The following SERTAD2 variants were observed in gnomAD, a reference collection of about 807,000 sequenced individuals.
The protein encoded by SERTAD2 is SERTA domain-containing protein 2.
Under a neutral mutation model 15.4 loss-of-function variants are expected in SERTAD2, and 2 were observed. The ratio of observed to expected loss-of-function variants is 0.13; its 90% confidence interval spans 0.05 to 0.41. The LOEUF (loss-of-function observed/expected upper bound fraction) is 0.41. Among genes scored for constraint, SERTAD2 ranks in the 10% least tolerant of loss-of-function variants. The pLI is 0.99. For synonymous variants in SERTAD2, 180 were observed against 178.0 expected (o/e 1.01, Z -0.09); for missense variants, 333 against 409.7 (o/e 0.81, Z 1.62).
intron 1 of SERTAD2, among the ~76,000 whole-genome samples, chr2:64,642,095 GC>G (rs1267786373): frequency 1.3e-5 from 2 of 152,214 alleles, no homozygotes; most frequent in African/African-American, 2.4e-5. Context: ...GATTCCCAAG[GC>G]CTTCCTTATT....
rs1321973471 is a variant in SERTAD2, at chr2:64,635,330, G to GT, written c.*596dup. On this transcript the variant is annotated 3_prime_UTR_variant, in exon 2 of 2. Coordinates refer to ENST00000313349, the MANE Select transcript of SERTAD2 (RefSeq NM_014755.3). ...TATCTCATATGTATAAACAGCATTTGTTTTTAGAAAAACAATATCATAAAC... is the reference window on the plus strand; with the variant it reads ...TATCTCATATGTATAAACAGCATTTGTTTTTTAGAAAAACAATATCATAAAC... 2 of 152,646 alleles carry GT rather than the reference G, an allele frequency of 1.3e-5. No homozygotes were observed. The highest frequency in any genetic ancestry group is 2.9e-5 in the Non-Finnish European group (2 of 68,066). The allele number at this position is 152,646 out of a possible 1,614,324, so 9.5% of individuals were successfully genotyped here.
Position 64,651,307 on chromosome 2 carries a change from G to A in SERTAD2, c.-5+2313C>T, listed in dbSNP as rs368671269. On this transcript the variant is annotated intron_variant, in intron 1 of 1. Coordinates refer to ENST00000313349, the MANE Select transcript of SERTAD2 (RefSeq NM_014755.3). Reference sequence around the variant, plus strand: ...AAATATTTTGTCTGAGGGTAAACTTGTAGTATAATTGGACACTGATAATAA... The same window carrying A: ...AAATATTTTGTCTGAGGGTAAACTTATAGTATAATTGGACACTGATAATAA... Among the ~76,000 whole-genome samples, 5 of 152,272 alleles carry A rather than the reference G, an allele frequency of 3.3e-5. No homozygotes were observed. In the East Asian group the frequency reaches 7.7e-4, roughly 23 times the overall value.
Position 64,632,760 on chromosome 2 carries a change from T to C in SERTAD2, c.*3167A>G, listed in dbSNP as rs1202527151. 2 of 152,652 alleles carry C rather than the reference T, an allele frequency of 1.3e-5. No homozygotes were observed. The highest frequency in any genetic ancestry group is 4.8e-5 in the African/African-American group (2 of 41,444). 9.5% of individuals were successfully genotyped at this position (152,652 alleles called of 1,614,324 possible). A position where few individuals can be genotyped will look rare whatever the true frequency, so the allele number is the denominator to read the frequency against. ...CTTGGACCCCCTTTTAATACAGATTTACATTCCTACAAGAGAATACATTCC... is the reference window on the plus strand; with the variant it reads ...CTTGGACCCCCTTTTAATACAGATTCACATTCCTACAAGAGAATACATTCC... On this transcript the variant is annotated 3_prime_UTR_variant, in exon 2 of 2. Coordinates refer to ENST00000313349, the MANE Select transcript of SERTAD2 (RefSeq NM_014755.3).
Position 64,634,202 on chromosome 2 carries a change from G to A in SERTAD2, c.*1725C>T, listed in dbSNP as rs1400325147. The A allele has an allele frequency of 6.6e-6, 1 of 152,074 alleles. No homozygotes were observed. Among genetic ancestry groups the A allele is most frequent in the African/African-American group, 2.4e-5 (1 of 41,396 alleles). 9.4% of individuals were successfully genotyped at this position (152,074 alleles called of 1,614,324 possible). ...AGAAGCCATCTGCATAACAATATAG[G>A]TTGTAACCTGCACTCAACAGCTAAA... On this transcript the variant is annotated 3_prime_UTR_variant, in exon 2 of 2. Transcript: ENST00000313349.
chr2:64,652,571 G>A (rs1478973843), intron 1 of SERTAD2, among the ~76,000 whole-genome samples: 1 of 152,172 alleles, frequency 6.6e-6, no homozygotes, highest in Non-Finnish European at 1.5e-5. Context: ...CATGAACAAA[G>A]CTTGAAAACA....
intron 1 of SERTAD2, among the ~76,000 whole-genome samples, chr2:64,649,766 C>T (rs1674972169): frequency 6.6e-6 from 1 of 152,202 alleles, no homozygotes; most frequent in Non-Finnish European, 1.5e-5. Flanking sequence ...CCTGCTATAG[C>T]AGTTGCACAG....
At chr2:64,642,335 C>T (rs193110084) in intron 1 of SERTAD2, among the ~76,000 whole-genome samples, 1 of 152,152 alleles carries the variant, frequency 6.6e-6, no homozygotes, top group Non-Finnish European at 1.5e-5. Flanking sequence ...TTATCCAAAG[C>T]CCAGAAAGGA....
chr2:64,651,482 C>G (rs1477827069), intron 1 of SERTAD2, among the ~76,000 whole-genome samples: 1 of 152,074 alleles, frequency 6.6e-6, no homozygotes, highest in African/African-American at 2.4e-5. Context: ...CCATTGGAAC[C>G]CTGTTTAAAA....
At chr2:64,636,901 G>T in intron 1 of SERTAD2, 26 bp from the exon 2 acceptor site, 1 of 1,488,340 alleles carries the variant, frequency 6.7e-7, no homozygotes, top group Non-Finnish European at 9.2e-7. Context: ...AGAGGAAATG[G>T]CATTAATCAC....
rs868793335 is a variant in SERTAD2, at chr2:64,653,452, C to T, written c.-5+168G>A. Among the ~76,000 whole-genome samples the T allele has an allele frequency of 6.3e-4, 95 of 151,950 alleles. No homozygotes were observed. The Middle Eastern group carries it at 0.01, about 17-fold the overall frequency. On this transcript the variant is annotated intron_variant, in intron 1 of 1. Coordinates refer to ENST00000313349, the MANE Select transcript of SERTAD2 (RefSeq NM_014755.3). ...CGGACCGGGGCCGCGGGAGGGAGCG[C>T]TCCTCCCGTACCTGCTCCGTCCCCG... is the stretch of plus-strand genomic sequence containing the variant.
chr2:64,645,161 C>T (rs1286165435), intron 1 of SERTAD2, among the ~76,000 whole-genome samples: 1 of 152,104 alleles, frequency 6.6e-6, no homozygotes, highest in Non-Finnish European at 1.5e-5. Flanking sequence ...ATTATAAAGC[C>T]AGTCACTAGA....
chr2:64,642,888 T>C (rs796365803), intron 1 of SERTAD2, among the ~76,000 whole-genome samples: 15 of 152,192 alleles, frequency 9.9e-5, no homozygotes, highest in African/African-American at 3.1e-4. Context: ...TCCCAAATGA[T>C]TGTCATTAGC....
chr2:64,644,954 T>C (rs975831210), intron 1 of SERTAD2: 1 of 151,772 alleles, frequency 6.6e-6, no homozygotes, highest in Non-Finnish European at 1.5e-5. Flanking sequence ...TCTGGCTTAT[T>C]TACAGACAGG....
chr2:64,650,660 A>T (rs1235183755), intron 1 of SERTAD2, among the ~76,000 whole-genome samples: 1 of 152,248 alleles, frequency 6.6e-6, no homozygotes, highest in African/African-American at 2.4e-5. Context: ...ACTAAAACTA[A>T]ATGAAATAGC....
At chr2:64,642,998 A>G (rs1674809432) in intron 1 of SERTAD2, among the ~76,000 whole-genome samples, 1 of 152,218 alleles carries the variant, frequency 6.6e-6, no homozygotes, top group Admixed American at 6.5e-5. Context: ...TTCACAGCTT[A>G]GTTCTAAATT....
At chr2:64,645,946 A>T (rs1418508996) in intron 1 of SERTAD2, among the ~76,000 whole-genome samples, 3 of 1,892 alleles carry the variant, frequency 1.6e-3, no homozygotes, top group East Asian at 0.031. Flanking sequence ...ACTTGATTTA[A>T]AAAAAAATTA....
chr2:64,643,755 A>T (rs2422276), intron 1 of SERTAD2, among the ~76,000 whole-genome samples: 1 of 151,964 alleles, frequency 6.6e-6, no homozygotes, highest in Admixed American at 6.6e-5. Flanking sequence ...AGTCCCAGCT[A>T]CTCAGGAGGC....
chr2:64,635,760 T>A lies in SERTAD2; in HGVS notation c.*167A>T. 1.7e-6 allele frequency: 1 copy of A among 602,676 alleles called. No homozygotes were observed. The highest frequency in any genetic ancestry group is 3.0e-6 in the Non-Finnish European group (1 of 335,970). 37.3% of individuals were successfully genotyped at this position (602,676 alleles called of 1,614,324 possible). A position where few individuals can be genotyped will look rare whatever the true frequency, so the allele number is the denominator to read the frequency against. On this transcript the variant is annotated 3_prime_UTR_variant, in exon 2 of 2. Transcript: ENST00000313349. ...TGTATTAAAAGTGGTCATACTTGGA[T>A]GAAGGCACTCCAACTCTGCTCAAAG...
chr2:64,652,259 T>C (rs1675028167), intron 1 of SERTAD2, among the ~76,000 whole-genome samples: 2 of 152,168 alleles, frequency 1.3e-5, no homozygotes, highest in Admixed American at 6.5e-5. Flanking sequence ...CATATCAGAA[T>C]AGACTGCTAT....
Sources: gnomAD v4.1 joint callset for allele counts (sites outside exome capture counted in the v4.1 genomes callset) on GRCh38, gnomAD v4.1.1 for gene constraint, MANE v1.5 for transcripts, NCBI Gene and HGNC (gene_info 2026-07-23, HGNC 2026-07-21) for gene names.